Variants in TRIQK observed in about 807,000 individuals in gnomAD.
TRIQK encodes the protein triple QxxK/R motif containing, also known as triple QxxK/R motif-containing protein.
TRIQK carries 10 observed loss-of-function variants against 10.8 expected under a neutral mutation model. The observed-to-expected ratio is 0.92, with a 90% CI of 0.57 to 1.57. TRIQK has a LOEUF of 1.57. Among genes scored for constraint, TRIQK ranks in the 40% most tolerant of loss-of-function variants. The pLI, the probability that TRIQK is intolerant of heterozygous loss-of-function variation, is 0.00. For synonymous variants in TRIQK, 33 were observed against 33.7 expected (o/e 0.98, Z 0.07); for missense variants, 107 against 97.7 (o/e 1.09, Z -0.40).
intron 2 of TRIQK, among the ~76,000 whole-genome samples, chr8:92,930,944 A>G (rs1031981637): frequency 1.3e-5 from 2 of 152,204 alleles, no homozygotes; most frequent in Non-Finnish European, 2.9e-5. Context: ...CAGATGGTAT[A>G]TACTTTTATC....
intron 1 of TRIQK, among the ~76,000 whole-genome samples, chr8:93,010,974 C>T (rs1813325921): frequency 6.6e-6 from 1 of 152,026 alleles, no homozygotes; most frequent in South Asian, 2.1e-4. Context: ...ATTTTTGCCT[C>T]TCAAATTCCA....
chr8:92,955,575 T>C (rs1812127725), intron 1 of TRIQK, among the ~76,000 whole-genome samples: 1 of 151,432 alleles, frequency 6.6e-6, no homozygotes, highest in African/African-American at 2.4e-5. Flanking sequence ...AACAGACAAA[T>C]TGAACTCCAT....
At chr8:92,896,200 T>C (rs1808588044) in intron 3 of TRIQK, among the ~76,000 whole-genome samples, 1 of 152,182 alleles carries the variant, frequency 6.6e-6, no homozygotes, top group Non-Finnish European at 1.5e-5. Context: ...ACAGCACCCC[T>C]CAGCCATGCC....
chr8:93,010,588 A>G lies in TRIQK; in HGVS notation c.-181+7021T>C, dbSNP rs1017103272. 2.6e-5 allele frequency among the ~76,000 whole-genome samples: 4 copies of G among 152,272 alleles called. No homozygotes were observed. In the East Asian group the frequency reaches 7.7e-4, roughly 29 times the overall value. ...TTTTACATCTTTTAAAAATGTAATTATATCTCATTAAATACTTTTATAAGA... is the reference window on the plus strand; with the variant it reads ...TTTTACATCTTTTAAAAATGTAATTGTATCTCATTAAATACTTTTATAAGA... On this transcript the variant is annotated intron_variant, in intron 1 of 4. Transcript: ENST00000520686.
chr8:92,886,789 T>C, intron 4 of TRIQK, 54 bp from the exon 5 acceptor site: 1 of 971,600 alleles, frequency 1.0e-6, no homozygotes. Flanking sequence ...TTGGTTAACA[T>C]TATTAGTTTC....
intron 2 of TRIQK, among the ~76,000 whole-genome samples, chr8:92,937,230 A>G (rs1175280289): frequency 6.7e-6 from 1 of 148,954 alleles, no homozygotes; most frequent in Non-Finnish European, 1.5e-5. Context: ...GTATTTATAC[A>G]CTTACAAAAC....
At chr8:92,921,456 AC>A (rs1309936183) in intron 2 of TRIQK, 2 of 151,714 alleles carry the variant, frequency 1.3e-5, no homozygotes, top group African/African-American at 4.8e-5. Context: ...CTTATTTTCA[AC>A]CAACAGAATG....
chr8:92,953,006 T>G (rs918270944), intron 2 of TRIQK, among the ~76,000 whole-genome samples: 12 of 152,178 alleles, frequency 7.9e-5, no homozygotes, highest in Admixed American at 3.9e-4. Flanking sequence ...AATTTGGGCT[T>G]GCTTGTTTCT....
chr8:92,911,593 T>G (rs987636124), intron 3 of TRIQK, among the ~76,000 whole-genome samples: 4 of 151,314 alleles, frequency 2.6e-5, no homozygotes, highest in Non-Finnish European at 4.4e-5. Flanking sequence ...AGATATTCCA[T>G]GCAAATCGTA....
At chr8:92,964,450 G>GTA (rs1394138221) in intron 1 of TRIQK, among the ~76,000 whole-genome samples, 123 of 127,334 alleles carry the variant, frequency 9.7e-4, no homozygotes, top group East Asian at 2.1e-3. Flanking sequence ...ATCTTTTCAG[G>GTA]TATATATATA....
At chr8:92,916,764 A>G (rs1809874558) in intron 3 of TRIQK, among the ~76,000 whole-genome samples, 165 bp downstream of exon 3, 1 of 152,054 alleles carries the variant, frequency 6.6e-6, no homozygotes, top group South Asian at 2.1e-4. Flanking sequence ...TTTACTGGTA[A>G]GCAGGACTGC....
chr8:92,884,585 C>T lies in TRIQK; in HGVS notation c.*2037G>A. ...AAAAACATTTTTCCCCAAAAAATAC[C>T]TCAAGGGTAAAACAGAATGGTAAAG... On this transcript the variant is annotated 3_prime_UTR_variant, in exon 5 of 5. Coordinates refer to ENST00000521988, the MANE Select transcript of TRIQK (RefSeq NM_001171797.2). 1 of 306,922 alleles carries T rather than the reference C, an allele frequency of 3.3e-6. No homozygotes were observed. Among genetic ancestry groups the T allele is most frequent in the Non-Finnish European group, 6.5e-6 (1 of 154,806 alleles). 19.0% of individuals were successfully genotyped at this position (306,922 alleles called of 1,614,324 possible). A position where few individuals can be genotyped will look rare whatever the true frequency, so the allele number is the denominator to read the frequency against.
intron 3 of TRIQK, among the ~76,000 whole-genome samples, chr8:92,903,840 CT>C (rs1809093507): frequency 6.6e-6 from 1 of 151,914 alleles, no homozygotes; most frequent in Admixed American, 6.6e-5. Flanking sequence ...TATCCCAAAC[CT>C]TGTGTAAAAG....
At chr8:92,889,680 C>A (rs927192832) in intron 4 of TRIQK, among the ~76,000 whole-genome samples, 1 of 151,598 alleles carries the variant, frequency 6.6e-6, no homozygotes, top group Non-Finnish European at 1.5e-5. Flanking sequence ...TCATAAGTGA[C>A]TTCTACACAT....
intron 2 of TRIQK, among the ~76,000 whole-genome samples, chr8:92,931,804 C>A: frequency 6.6e-6 from 1 of 152,068 alleles, no homozygotes; most frequent in Non-Finnish European, 1.5e-5. Flanking sequence ...CAGCCCTTGC[C>A]CCAACTATGA....
At chr8:92,894,648 G>A (rs1489958379) in intron 3 of TRIQK, among the ~76,000 whole-genome samples, 1 of 152,080 alleles carries the variant, frequency 6.6e-6, no homozygotes, top group African/African-American at 2.4e-5. Flanking sequence ...CAAGCCCAAT[G>A]TCTGAGCTTC....
At chr8:92,907,259 T>C (rs1028205179) in intron 3 of TRIQK, among the ~76,000 whole-genome samples, 4 of 152,170 alleles carry the variant, frequency 2.6e-5, no homozygotes, top group East Asian at 3.9e-4. Flanking sequence ...CAAAGTGGAA[T>C]GGATACTTCT....
chr8:92,885,682 T>G lies in TRIQK; in HGVS notation c.*940A>C, dbSNP rs1816441203. 1 of 151,526 alleles carries G rather than the reference T, an allele frequency of 6.6e-6. No individual in the cohort carries two copies. The highest frequency in any genetic ancestry group is 2.4e-5 in the African/African-American group (1 of 41,302). 9.4% of individuals were successfully genotyped at this position (151,526 alleles called of 1,614,324 possible). A position where few individuals can be genotyped will look rare whatever the true frequency, so the allele number is the denominator to read the frequency against. ...TATTATTTATTTTCTCCCTAAAGAG[T>G]TCTAATTGATTAAATCTCAAGAGAC... On this transcript the variant is annotated 3_prime_UTR_variant, in exon 5 of 5. Transcript: ENST00000521988.
At chr8:92,904,111 T>C (rs1158785491) in intron 3 of TRIQK, among the ~76,000 whole-genome samples, 5 of 151,888 alleles carry the variant, frequency 3.3e-5, no homozygotes, top group Admixed American at 3.3e-4. Context: ...AAACACTAAC[T>C]CCTAGAAGGA....
Sources: allele counts gnomAD v4.1 joint callset (sites outside exome capture counted in the v4.1 genomes callset), GRCh38; gene constraint gnomAD v4.1.1; transcripts MANE v1.5; gene names NCBI Gene and HGNC (gene_info 2026-07-23, HGNC 2026-07-21).